LARP1B: variants seen among roughly 807,000 people sequenced by gnomAD.
LARP1B encodes the protein la-related protein 1B.
In LARP1B, 76 loss-of-function variants were observed where a neutral mutation model predicts 114.2. The ratio of observed to expected loss-of-function variants is 0.67; its 90% CI spans 0.55 to 0.81. The LOEUF is 0.81. Ranked by LOEUF, LARP1B falls within the 30% of genes least tolerant of loss-of-function variation. The pLI, the probability that LARP1B is intolerant of heterozygous loss-of-function variation, is 0.00. For missense variants in LARP1B, 1,014 were observed against 1,075.8 expected (o/e 0.94, Z 0.80); for synonymous variants, 345 against 348.0 (o/e 0.99, Z 0.10).
At chr4:128,165,460 TA>T (rs34676749) in intron 12 of LARP1B, among the ~76,000 whole-genome samples, 54,197 of 151,712 alleles carry the variant, frequency 0.36, 10,028 homozygotes, top group East Asian at 0.51. Context: ...TAATTGGACT[TA>T]AAAAAATTCA....
chr4:128,203,225 C>G (rs1330146876), intron 17 of LARP1B, among the ~76,000 whole-genome samples: 1 of 151,944 alleles, frequency 6.6e-6, no homozygotes, highest in Non-Finnish European at 1.5e-5. Context: ...GATAGATACT[C>G]TCTCATGGGG....
chr4:128,156,081 C>T (rs1735484950), intron 11 of LARP1B: 1 of 1,599,976 alleles, frequency 6.3e-7, no homozygotes, highest in Admixed American at 1.7e-5. Context: ...CTTTCACCCC[C>T]AGCCTGGTCT....
At chr4:128,137,059 C>T (rs895102422) in intron 11 of LARP1B, among the ~76,000 whole-genome samples, 1 of 151,994 alleles carries the variant, frequency 6.6e-6, no homozygotes, top group African/African-American at 2.4e-5. Flanking sequence ...TTAAAAAGTG[C>T]AGCTAAGGCA....
intron 15 of LARP1B, among the ~76,000 whole-genome samples, chr4:128,198,275 A>C (rs930840838): frequency 1.3e-5 from 2 of 152,226 alleles, no homozygotes; most frequent in Non-Finnish European, 2.9e-5. Context: ...GAAATTTACC[A>C]TCTTAACAGT....
chr4:128,161,730 C>T (rs942552716), intron 11 of LARP1B, among the ~76,000 whole-genome samples: 7 of 152,098 alleles, frequency 4.6e-5, no homozygotes, highest in Non-Finnish European at 1.0e-4. Flanking sequence ...GTGCTTTTGT[C>T]CCATCTCTCC....
At chr4:128,167,031 T>C (rs547361509) in intron 12 of LARP1B, among the ~76,000 whole-genome samples, 2 of 148,076 alleles carry the variant, frequency 1.4e-5, no homozygotes, top group Non-Finnish European at 3.0e-5. Flanking sequence ...CATACACACG[T>C]GTGTACGTAT....
intron 1 of LARP1B, chr4:128,069,456 A>C (rs1336839933): frequency 1.3e-6 from 1 of 758,132 alleles, no homozygotes; most frequent in Non-Finnish European, 2.4e-6. Flanking sequence ...TATAACATAA[A>C]CTTGGTTGGC....
At chr4:128,145,620 G>A (rs182443735) in intron 11 of LARP1B, among the ~76,000 whole-genome samples, 518 of 152,212 alleles carry the variant, frequency 3.4e-3, no homozygotes, top group Non-Finnish European at 5.9e-3. Context: ...TGCTTCAACT[G>A]TACTAAACTC....
At chr4:128,143,185 T>C (rs1728798299) in intron 11 of LARP1B, among the ~76,000 whole-genome samples, 1 of 152,174 alleles carries the variant, frequency 6.6e-6, no homozygotes, top group South Asian at 2.1e-4. Flanking sequence ...TTCGGGAGGC[T>C]GAGGCAGGAG....
At chr4:128,109,308 T>C (rs946076915) in intron 9 of LARP1B, among the ~76,000 whole-genome samples, 5 of 152,206 alleles carry the variant, frequency 3.3e-5, no homozygotes, top group Non-Finnish European at 7.4e-5. Flanking sequence ...CATTTTAATC[T>C]CAAATTTGAA....
At chr4:128,126,113 CTTTTTTTTTTTTTTT>C (rs76050129) in intron 11 of LARP1B, among the ~76,000 whole-genome samples, 2 of 136,026 alleles carry the variant, frequency 1.5e-5, no homozygotes, top group African/African-American at 3.0e-5. Context: ...TTAAAATAAT[CTTTTTTTTTTTTTTT>C]TTTTTTTTTT....
intron 11 of LARP1B, among the ~76,000 whole-genome samples, chr4:128,137,114 G>A (rs1725654755): frequency 1.3e-5 from 2 of 151,942 alleles, no homozygotes; most frequent in Non-Finnish European, 2.9e-5. Context: ...GAAATTAATA[G>A]TCCAATTACC....
chr4:128,211,715 A>G lies in LARP1B; in HGVS notation c.*1662A>G. ...CTTTAAATGGTCTCTTGAAATGATCATAAATTTTTCTCAGTGTCCTTTTTG... is the reference window on the plus strand; with the variant it reads ...CTTTAAATGGTCTCTTGAAATGATCGTAAATTTTTCTCAGTGTCCTTTTTG... On this transcript the variant is annotated 3_prime_UTR_variant, in exon 20 of 20. Coordinates refer to ENST00000326639, the MANE Select transcript of LARP1B (RefSeq NM_018078.4). The G allele has an allele frequency of 1.0e-6, 1 of 985,012 alleles. No homozygotes were observed. Among genetic ancestry groups the G allele is most frequent in the Non-Finnish European group, 1.2e-6 (1 of 829,552 alleles). The allele number at this position is 985,012 out of a possible 1,614,324, so 61.0% of individuals were successfully genotyped here. A position where few individuals can be genotyped will look rare whatever the true frequency, so the allele number is the denominator to read the frequency against.
At position 128,210,757 on chromosome 4, in the gene LARP1B, A is replaced by C; in HGVS notation, c.*704A>C. The C allele has an allele frequency of 1.0e-6, 1 of 985,124 alleles. No individual in the cohort carries two copies. Among genetic ancestry groups the C allele is most frequent in the Non-Finnish European group, 1.2e-6 (1 of 829,750 alleles). The allele number at this position is 985,124 out of a possible 1,614,324, so 61.0% of individuals were successfully genotyped here. ...TTCCACAGTTGTTGTATTGGTGTGG[A>C]GTTTTCTGAATTGGCTATAAGCTGA... On this transcript the variant is annotated 3_prime_UTR_variant, in exon 20 of 20. Transcript: ENST00000326639.
chr4:128,099,106 T>C (rs1477334053), intron 8 of LARP1B, among the ~76,000 whole-genome samples: 1 of 151,594 alleles, frequency 6.6e-6, no homozygotes, highest in Non-Finnish European at 1.5e-5. Context: ...TAATTTCAAA[T>C]AGTCCTTCTG....
chr4:128,115,944 C>T (rs1785642124), intron 10 of LARP1B, among the ~76,000 whole-genome samples: 1 of 152,218 alleles, frequency 6.6e-6, no homozygotes. Flanking sequence ...CAGGCGTGAG[C>T]CTCTGCGGCC....
At chr4:128,090,728 TTAA>T (rs1447053521) in intron 5 of LARP1B, among the ~76,000 whole-genome samples, 1 of 152,258 alleles carries the variant, frequency 6.6e-6, no homozygotes, top group Admixed American at 6.5e-5. Flanking sequence ...CAGCACAATC[TTAA>T]TAAAACTATC....
chr4:128,170,539 G>A (rs1355836922), intron 12 of LARP1B, among the ~76,000 whole-genome samples: 1 of 151,960 alleles, frequency 6.6e-6, no homozygotes, highest in Non-Finnish European at 1.5e-5. Context: ...TATACCCATT[G>A]GTATATTGTG....
intron 5 of LARP1B, among the ~76,000 whole-genome samples, chr4:128,085,599 C>T (rs536887655): frequency 2.0e-5 from 3 of 152,246 alleles, no homozygotes; most frequent in East Asian, 3.9e-4. Flanking sequence ...AACTCCTAGC[C>T]TCAAGCGATT....
Sources: gnomAD v4.1 joint callset for allele counts (sites outside exome capture counted in the v4.1 genomes callset) on GRCh38, gnomAD v4.1.1 for gene constraint, MANE v1.5 for transcripts, NCBI Gene and HGNC (gene_info 2026-07-23, HGNC 2026-07-21) for gene names.